IQCM: variants seen among roughly 807,000 people sequenced by gnomAD.
The protein encoded by IQCM is IQ motif containing M.
In IQCM, 45 loss-of-function variants were observed where a neutral mutation model predicts 57.6. The ratio of observed to expected loss-of-function variants is 0.78; its 90% confidence interval spans 0.62 to 1.00. The LOEUF (loss-of-function observed/expected upper bound fraction) is 1.00, where lower values mean the gene tolerates loss of function less well. Among genes scored for constraint, IQCM ranks in the 50% least tolerant of loss-of-function variants. The pLI, the probability that IQCM is intolerant of heterozygous loss-of-function variation, is 0.00. For missense variants in IQCM, 468 were observed against 511.6 expected, an observed-to-expected ratio of 0.91 and a Z score of 0.82; for synonymous variants, 148 against 158.9, an observed-to-expected ratio of 0.93 and a Z score of 0.51.
intron 5 of IQCM, among the ~76,000 whole-genome samples, chr4:149,714,572 C>T (rs1764838355): frequency 6.6e-6 from 1 of 152,108 alleles, no homozygotes; most frequent in Non-Finnish European, 1.5e-5. Flanking sequence ...CTAGTGGATG[C>T]CTGAAACTGT....
chr4:149,782,649 G>A (rs1443139157), intron 2 of IQCM, among the ~76,000 whole-genome samples: 1 of 145,062 alleles, frequency 6.9e-6, no homozygotes, highest in East Asian at 2.0e-4. Flanking sequence ...AATACAATAA[G>A]ATTCAAAAGA....
chr4:149,356,803 G>T (rs1729026048), intron 13 of IQCM, among the ~76,000 whole-genome samples: 1 of 152,124 alleles, frequency 6.6e-6, no homozygotes, highest in Non-Finnish European at 1.5e-5. Context: ...TAGCTTGATG[G>T]GGATGGCATT....
At chr4:149,573,276 C>T (rs1274937161) in intron 9 of IQCM, among the ~76,000 whole-genome samples, 1 of 150,470 alleles carries the variant, frequency 6.6e-6, no homozygotes, top group African/African-American at 2.4e-5. Flanking sequence ...AAAAACATGC[C>T]AAATATTATT....
At chr4:149,788,645 T>C (rs1017036531) in intron 2 of IQCM, among the ~76,000 whole-genome samples, 7 of 152,196 alleles carry the variant, frequency 4.6e-5, no homozygotes, top group African/African-American at 1.2e-4. Context: ...CATTACTCAA[T>C]ATTTATCCAA....
At chr4:149,564,587 A>G (rs1006792964) in intron 9 of IQCM, among the ~76,000 whole-genome samples, 2 of 152,188 alleles carry the variant, frequency 1.3e-5, no homozygotes, top group African/African-American at 4.8e-5. Flanking sequence ...GGCACAATCT[A>G]ATCAGCTGCC....
chr4:149,713,704 C>T lies in IQCM; in HGVS notation c.385+19540G>A, dbSNP rs141991582. Among the ~76,000 whole-genome samples, 651 of 152,272 alleles carry T rather than the reference C, an allele frequency of 4.3e-3. 2 individuals are homozygous for T. The highest frequency in any genetic ancestry group is 0.013 in the African/African-American group (559 of 41,546). The stretch of plus-strand genomic sequence containing the variant: ...TGTCCTGAGAGTATCTGTTCCCATA[C>T]ACTCCATGTGCCCTCTCATTACTAC... On this transcript the variant is annotated intron_variant, in intron 5 of 13. Coordinates refer to ENST00000636793, the MANE Select transcript of IQCM (RefSeq NM_001363507.2).
chr4:149,660,571 TG>T (rs1487671352), intron 7 of IQCM, among the ~76,000 whole-genome samples: 1 of 152,186 alleles, frequency 6.6e-6, no homozygotes, highest in East Asian at 1.9e-4. Context: ...AGCAAAGTCT[TG>T]GAACCAACCC....
intron 13 of IQCM, among the ~76,000 whole-genome samples, chr4:149,390,109 T>C (rs1731741642): frequency 6.6e-6 from 1 of 152,064 alleles, no homozygotes; most frequent in Admixed American, 6.6e-5. Context: ...TGTTTTCAAT[T>C]AATTAGATCT....
intron 8 of IQCM, among the ~76,000 whole-genome samples, chr4:149,595,136 C>T (rs111845804): frequency 0.018 from 2,788 of 152,158 alleles, 56 homozygotes; most frequent in African/African-American, 0.055. Context: ...AATCTGGGTG[C>T]TCTTGTATTG....
chr4:149,609,815 A>C (rs1755119791), intron 8 of IQCM, among the ~76,000 whole-genome samples: 10 of 151,948 alleles, frequency 6.6e-5, no homozygotes, highest in Admixed American at 6.6e-4. Context: ...CTTTCCTCTA[A>C]TATCTGGGAT....
intron 7 of IQCM, among the ~76,000 whole-genome samples, chr4:149,634,680 G>T (rs1244839756): frequency 6.6e-6 from 1 of 152,158 alleles, no homozygotes; most frequent in Non-Finnish European, 1.5e-5. Flanking sequence ...AAAAAAAGAT[G>T]TAACAAACCC....
intron 12 of IQCM, among the ~76,000 whole-genome samples, chr4:149,477,019 A>C (rs753280797): frequency 6.6e-6 from 1 of 152,166 alleles, no homozygotes; most frequent in Non-Finnish European, 1.5e-5. Flanking sequence ...GCTACATAGA[A>C]GCTTATACGC....
intron 13 of IQCM, among the ~76,000 whole-genome samples, chr4:149,404,702 C>G (rs1378155743): frequency 6.6e-6 from 1 of 151,992 alleles, no homozygotes; most frequent in Non-Finnish European, 1.5e-5. Flanking sequence ...ATAGATAGGA[C>G]AGCGTTTGGA....
intron 12 of IQCM, among the ~76,000 whole-genome samples, chr4:149,458,669 A>C (rs182271514): frequency 6.6e-6 from 1 of 152,100 alleles, no homozygotes; most frequent in Admixed American, 6.6e-5. Context: ...TATTTTACCC[A>C]ATGTTCTTAT....
intron 13 of IQCM, among the ~76,000 whole-genome samples, chr4:149,376,892 T>C (rs1019513237): frequency 1.3e-5 from 2 of 152,264 alleles, no homozygotes; most frequent in African/African-American, 2.4e-5. Context: ...GGCTTTCAGA[T>C]TGTATTTGCT....
intron 2 of IQCM, among the ~76,000 whole-genome samples, chr4:149,792,711 T>G (rs1181393702): frequency 2.0e-5 from 3 of 152,180 alleles, no homozygotes; most frequent in Non-Finnish European, 2.9e-5. Context: ...ACAGAAGCCA[T>G]AATTAACTCC....
chr4:149,382,513 C>A (rs1190482344), intron 13 of IQCM, among the ~76,000 whole-genome samples: 1 of 151,944 alleles, frequency 6.6e-6, no homozygotes, highest in African/African-American at 2.4e-5. Context: ...TAATATGACA[C>A]CATGGCATAT....
chr4:149,575,281 A>G (rs568133369), intron 9 of IQCM, among the ~76,000 whole-genome samples: 1 of 152,028 alleles, frequency 6.6e-6, no homozygotes, highest in African/African-American at 2.4e-5. Flanking sequence ...TAAATTCAGC[A>G]TGGGTGATAT....
Position 149,735,364 on chromosome 4 carries a change from C to T in IQCM, c.120+12G>A, listed in dbSNP as rs1194391853. ...TTTAAAATGTAACATTAGATAAATG[C>T]AAAGGACTAACCTCATTTATTTTCT... is the stretch of plus-strand genomic sequence containing the variant. On this transcript the variant is annotated intron_variant, in intron 4 of 13. Transcript: ENST00000636793. 5 of 1,207,370 alleles carry T rather than the reference C, an allele frequency of 4.1e-6. No individual in the cohort carries two copies. The highest frequency in any genetic ancestry group is 5.2e-6 in the Non-Finnish European group (5 of 966,016). The allele number at this position is 1,207,370 out of a possible 1,614,324, so 74.8% of individuals were successfully genotyped here. A position where few individuals can be genotyped will look rare whatever the true frequency, so the allele number is the denominator to read the frequency against.
Sources: gnomAD v4.1 joint callset for allele counts (sites outside exome capture counted in the v4.1 genomes callset) on GRCh38, gnomAD v4.1.1 for gene constraint, MANE v1.5 for transcripts, NCBI Gene and HGNC (gene_info 2026-07-23, HGNC 2026-07-21) for gene names.